The following FAM219A variants were observed in gnomAD, a reference collection of about 807,000 sequenced individuals.
FAM219A encodes protein FAM219A.
A neutral mutation model predicts 23.4 loss-of-function variants in FAM219A; 7 were observed. The observed-to-expected ratio is 0.30, with a 90% CI of 0.17 to 0.56. The LOEUF is 0.56. Among genes scored for constraint, FAM219A ranks in the 20% least tolerant of loss-of-function variants. The pLI, the probability that FAM219A is intolerant of heterozygous loss-of-function variation, is 0.92. For synonymous variants in FAM219A, 93 were observed against 99.0 expected, an observed-to-expected ratio of 0.94 and a Z score of 0.36; for missense variants, 166 against 246.9, an observed-to-expected ratio of 0.67 and a Z score of 2.20.
chr9:34,418,561 C>G (rs1822124432), intron 1 of FAM219A, among the ~76,000 whole-genome samples: 1 of 152,208 alleles, frequency 6.6e-6, no homozygotes. Context: ...CTACTCCTGG[C>G]CCTCATCCCC....
rs139680432 is a variant in FAM219A at position 34,418,155 on chromosome 9, G to A, written c.61-12191C>T. Among the ~76,000 whole-genome samples, 23 of 151,666 alleles carry A rather than the reference G, an allele frequency of 1.5e-4. 1 individual carries two copies. Among genetic ancestry groups the A allele is most frequent in the African/African-American group, 5.6e-4 (23 of 41,300 alleles). On this transcript the variant is annotated intron_variant, in intron 1 of 5. Coordinates refer to ENST00000651358, the MANE Select transcript of FAM219A (RefSeq NM_001184940.2). ...TTTCAGAAATAGCTACTCAGGAACAGGGAGAGAAAAGGATGGTGAAAGTAT... is the reference window on the plus strand; with the variant it reads ...TTTCAGAAATAGCTACTCAGGAACAAGGAGAGAAAAGGATGGTGAAAGTAT...
intron 1 of FAM219A, among the ~76,000 whole-genome samples, chr9:34,429,181 C>T (rs1324457085): frequency 6.6e-6 from 1 of 152,214 alleles, no homozygotes; most frequent in Non-Finnish European, 1.5e-5. Flanking sequence ...GCTGTTCTCT[C>T]AGGGTTTCAT....
intron 1 of FAM219A, among the ~76,000 whole-genome samples, chr9:34,435,317 C>CGTAA (rs1192082100): frequency 6.6e-6 from 1 of 152,090 alleles, no homozygotes; most frequent in Non-Finnish European, 1.5e-5. Context: ...TTCATCTTAC[C>CGTAA]CCCTTTTGGT....
chr9:34,439,015 C>G (rs1021408900), intron 1 of FAM219A, among the ~76,000 whole-genome samples: 2 of 152,136 alleles, frequency 1.3e-5, no homozygotes, highest in African/African-American at 4.8e-5. Flanking sequence ...CACGAGCCCA[C>G]CGGGAGGAAC....
At chr9:34,406,046 C>T in intron 1 of FAM219A, 82 bp from the exon 2 acceptor site, 2 of 1,359,062 alleles carry the variant, frequency 1.5e-6, no homozygotes, top group Non-Finnish European at 2.0e-6. Flanking sequence ...CTAGCCTTCC[C>T]ACCTGCCCTC....
chr9:34,403,996 T>C (rs1821543473), intron 2 of FAM219A, among the ~76,000 whole-genome samples: 1 of 152,224 alleles, frequency 6.6e-6, no homozygotes, highest in Admixed American at 6.5e-5. Context: ...GCAATTTGCC[T>C]TAAAGTTCCT....
intron 1 of FAM219A, among the ~76,000 whole-genome samples, chr9:34,451,723 CCCACAGAGG>C (rs1823569745): frequency 6.6e-6 from 1 of 152,148 alleles, no homozygotes; most frequent in South Asian, 2.1e-4. Context: ...GAAGCACCTA[CCCACAGAGG>C]CCACACTGGG....
chr9:34,441,940 T>C (rs1437823536), intron 1 of FAM219A, among the ~76,000 whole-genome samples: 1 of 152,110 alleles, frequency 6.6e-6, no homozygotes, highest in Non-Finnish European at 1.5e-5. Context: ...CCCAGACTGG[T>C]TTCGAACTCC....
At position 34,458,073 on chromosome 9, in the gene FAM219A, A is replaced by C; in HGVS notation, c.60+131T>G. On this transcript the variant is annotated intron_variant, in intron 1 of 5. Coordinates refer to ENST00000651358, the MANE Select transcript of FAM219A (RefSeq NM_001184940.2). The surrounding 1 kb of genome is among the most constrained non-coding windows in gnomAD (Gnocchi z 6.6). Reference sequence around the variant, plus strand: ...GTCCTGCAAGTCCCCGTCCCCCGGCAATACGTTTTCAGGGATCTCTTTGCC... The same window carrying C: ...GTCCTGCAAGTCCCCGTCCCCCGGCCATACGTTTTCAGGGATCTCTTTGCC... 1.3e-6 allele frequency: 1 copy of C among 790,750 alleles called. No homozygotes were observed. Among genetic ancestry groups the C allele is most frequent in the Non-Finnish European group, 1.8e-6 (1 of 551,532 alleles). 49.0% of individuals were successfully genotyped at this position (790,750 alleles called of 1,614,324 possible).
chr9:34,440,992 C>T (rs574980445), intron 1 of FAM219A, among the ~76,000 whole-genome samples: 1 of 152,194 alleles, frequency 6.6e-6, no homozygotes, highest in African/African-American at 2.4e-5. Context: ...TTGAGCCTCT[C>T]GAGTAGCTGG....
intron 1 of FAM219A, among the ~76,000 whole-genome samples, chr9:34,430,108 G>C (rs1022340291): frequency 1.3e-4 from 20 of 152,268 alleles, no homozygotes; most frequent in African/African-American, 4.6e-4. Context: ...AGACATGTGT[G>C]GGGGGAGGTA....
At chr9:34,421,151 C>T (rs1303832097) in intron 1 of FAM219A, among the ~76,000 whole-genome samples, 1 of 152,012 alleles carries the variant, frequency 6.6e-6, no homozygotes, top group Non-Finnish European at 1.5e-5. Context: ...CTGAGGGGCC[C>T]ATAGAGGCCT....
At chr9:34,426,354 T>C (rs895267093) in intron 1 of FAM219A, among the ~76,000 whole-genome samples, 6 of 152,180 alleles carry the variant, frequency 3.9e-5, no homozygotes, top group African/African-American at 1.4e-4. Context: ...TCTTTATAGA[T>C]AGGAGAAATG....
At chr9:34,413,812 G>C (rs1821907573) in intron 1 of FAM219A, among the ~76,000 whole-genome samples, 1 of 152,208 alleles carries the variant, frequency 6.6e-6, no homozygotes, top group Non-Finnish European at 1.5e-5. Flanking sequence ...ATCAGGGCCA[G>C]GAAGGATAGT....
intron 2 of FAM219A, among the ~76,000 whole-genome samples, chr9:34,403,919 C>G (rs1393934321): frequency 6.6e-6 from 1 of 152,176 alleles, no homozygotes; most frequent in Non-Finnish European, 1.5e-5. Flanking sequence ...TCAGCTGATT[C>G]CAGCTTTTTC....
intron 1 of FAM219A, chr9:34,406,385 T>C: frequency 3.0e-6 from 3 of 985,422 alleles, no homozygotes; most frequent in Non-Finnish European, 3.6e-6. Context: ...GGAGAGCAGG[T>C]GCTGTCTGAG....
At chr9:34,410,264 C>T (rs3931573) in intron 1 of FAM219A, among the ~76,000 whole-genome samples, 151,804 of 152,328 alleles carry the variant, frequency 1, 75,644 homozygotes, top group Middle Eastern at 1. Context: ...TGGCTGGCCT[C>T]ACTTGTTGGA....
intron 1 of FAM219A, among the ~76,000 whole-genome samples, chr9:34,421,956 T>C (rs1473768809): frequency 2.6e-5 from 4 of 152,156 alleles, no homozygotes; most frequent in Admixed American, 6.5e-5. Context: ...CTTGGAATAG[T>C]GTGGCTCTAG....
intron 1 of FAM219A, among the ~76,000 whole-genome samples, chr9:34,424,915 C>G (rs894264709): frequency 6.6e-6 from 1 of 152,108 alleles, no homozygotes; most frequent in African/African-American, 2.4e-5. Context: ...AAGCAACCTG[C>G]CACCTTAGCC....
Sources: allele counts gnomAD v4.1 joint callset (sites outside exome capture counted in the v4.1 genomes callset), GRCh38; gene constraint gnomAD v4.1.1; non-coding constraint Gnocchi (gnomAD v3.1); transcripts MANE v1.5; gene names NCBI Gene and HGNC (gene_info 2026-07-23, HGNC 2026-07-21).